The following TTLL12 variants were observed in gnomAD, a reference collection of about 807,000 sequenced individuals.
TTLL12 encodes the protein tubulin--tyrosine ligase-like protein 12.
In TTLL12, 77 loss-of-function variants were observed where a neutral mutation model predicts 79.6. The observed-to-expected ratio is 0.97, with a 90% CI of 0.81 to 1.17. TTLL12 has a LOEUF of 1.17. Ranked by LOEUF, TTLL12 falls within the 50% of genes most tolerant of loss-of-function variation. The probability of loss-of-function intolerance (pLI) is 0.00; values close to 1 mark genes in which losing one functional copy is unlikely to be tolerated. For missense variants in TTLL12, 969 were observed against 895.9 expected, an observed-to-expected ratio of 1.08 and a Z score of -1.04; for synonymous variants, 437 against 376.1, an observed-to-expected ratio of 1.16 and a Z score of -1.87.
In TTLL12 at chr22:43,183,085, T is replaced by TCGTC; in HGVS notation, c.238_241dup (p.Glu81GlyfsTer73). On this transcript the variant is annotated frameshift_variant, in exon 2 of 14. Transcript: ENST00000216129. LOFTEE classifies it high-confidence loss of function. ...CTGCTTCCGCACCTCCCGGGCTGCC[T>TCGTC]CGTCCTCCTCCTCTTCTACCTCCTC... 1 of 1,614,034 alleles carries TCGTC rather than the reference T, an allele frequency of 6.2e-7. No individual in the cohort carries two copies. The highest frequency in any genetic ancestry group is 8.5e-7 in the Non-Finnish European group (1 of 1,180,004).
In TTLL12 at chr22:43,166,789, C is replaced by T; in HGVS notation, c.*1219G>A. 6.0e-6 allele frequency: 1 copy of T among 167,262 alleles called. No individual in the cohort carries two copies. Among genetic ancestry groups the T allele is most frequent in the South Asian group, 1.3e-4 (1 of 7,730 alleles). 10.4% of individuals were successfully genotyped at this position (167,262 alleles called of 1,614,324 possible). On this transcript the variant is annotated 3_prime_UTR_variant, in exon 14 of 14. Coordinates refer to ENST00000216129, the MANE Select transcript of TTLL12 (RefSeq NM_015140.4). The stretch of plus-strand genomic sequence containing the variant: ...GTAACGCGTGCTTGTAAACAAGGGC[C>T]CAGACAACACAGAGAGGAGAGGCAG...
chr22:43,170,537 TC>T (rs1446583630), intron 11 of TTLL12, among the ~76,000 whole-genome samples: 2 of 151,994 alleles, frequency 1.3e-5, no homozygotes, highest in Non-Finnish European at 2.9e-5. Flanking sequence ...AGCCCGAACC[TC>T]AAAACCTCAA....
rs1263955658 is a variant in TTLL12, at chr22:43,183,027, C to T, written c.300G>A (p.Lys100=). 6.2e-7 allele frequency: 1 copy of T among 1,613,984 alleles called. No individual in the cohort carries two copies. The highest frequency in any genetic ancestry group is 8.5e-7 in the Non-Finnish European group (1 of 1,179,964). The change falls in exon 2 of 14, where the codon AAG becomes AAA. Residue 100 remains lysine (K), a synonymous_variant. Transcript: ENST00000216129. ...QPNPGNELCY[K]VIVTRESGLQ... ...GCCCGCTCTCCCTGGTCACGATGACCTTGTAGCACAGCTCGTTCCCCGGGT... is the reference window on the plus strand; with the variant it reads ...GCCCGCTCTCCCTGGTCACGATGACTTTGTAGCACAGCTCGTTCCCCGGGT...
Position 43,174,257 on chromosome 22 carries a change from C to A in TTLL12, c.1181G>T (p.Arg394Leu), listed in dbSNP as rs780167798. ...GCTGACAAACTGGGGCAGCTCAGTG[C>A]GCAGGTTGAAGGTTCGGGGCAGCCA... Reference protein sequence around the residue: ...PPWLPRTFNLRTELPQFVSYF... With the variant: ...PPWLPRTFNLLTELPQFVSYF... Residue 394 changes from arginine to leucine, a missense_variant, in exon 8 of 14, where the codon CGC (arginine) becomes CTC (leucine). Coordinates refer to ENST00000216129, the MANE Select transcript of TTLL12 (RefSeq NM_015140.4). 6.2e-7 allele frequency: 1 copy of A among 1,609,456 alleles called. No individual in the cohort carries two copies. The highest frequency in any genetic ancestry group is 8.5e-7 in the Non-Finnish European group (1 of 1,179,870).
chr22:43,171,454 GC>G (rs1336084151), intron 11 of TTLL12, among the ~76,000 whole-genome samples: 1 of 152,180 alleles, frequency 6.6e-6, no homozygotes, highest in Admixed American at 6.5e-5. Flanking sequence ...GGGCCTCCCC[GC>G]CCCCGCCTGC....
At chr22:43,175,981 C>T (rs903821791) in intron 6 of TTLL12, among the ~76,000 whole-genome samples, 3 of 151,512 alleles carry the variant, frequency 2.0e-5, no homozygotes, top group South Asian at 2.1e-4. Flanking sequence ...AACCACTATG[C>T]CTGGCCTCAT....
chr22:43,172,685 TAAGTTGCTGCAA>T (rs1931798221), intron 9 of TTLL12, 131 bp from the exon 10 acceptor site: 1 of 933,932 alleles, frequency 1.1e-6, no homozygotes, highest in Non-Finnish European at 1.6e-6. Context: ...CAAACCTGCC[TAAGTTGCTGCAA>T]AGTCTTTTTT....
chr22:43,177,799 C>T (rs1931953164), intron 5 of TTLL12, among the ~76,000 whole-genome samples: 1 of 152,232 alleles, frequency 6.6e-6, no homozygotes, highest in Admixed American at 6.5e-5. Context: ...TCCTGAACTC[C>T]TGTCCCACAG....
At chr22:43,169,415 C>T in intron 12 of TTLL12, 85 bp downstream of exon 12, 1 of 1,209,902 alleles carries the variant, frequency 8.3e-7, no homozygotes, top group Non-Finnish European at 1.1e-6. Flanking sequence ...CCCATGCCAG[C>T]AGAGAGGGAA....
chr22:43,179,123 C>T (rs112366138), intron 5 of TTLL12, among the ~76,000 whole-genome samples: 5,448 of 152,318 alleles, frequency 0.036, 146 homozygotes, highest in Non-Finnish European at 0.053. Context: ...TGGATGAGCT[C>T]TTACCTCCAG....
chr22:43,176,259 A>G, intron 6 of TTLL12, 61 bp downstream of exon 6: 2 of 1,267,304 alleles, frequency 1.6e-6, no homozygotes, highest in Middle Eastern at 1.9e-4. Context: ...GGAACCACGA[A>G]GCATGGGAGG....
chr22:43,169,849 C>T (rs138933), intron 11 of TTLL12: 172,845 of 527,508 alleles, frequency 0.33, 31,543 homozygotes, highest in Non-Finnish European at 0.39. Flanking sequence ...GACTTTGCCA[C>T]GCAGCTGTGA....
intron 1 of TTLL12, chr22:43,185,879 AG>A (rs1421868246): frequency 2.4e-6 from 2 of 834,890 alleles, no homozygotes; most frequent in Admixed American, 1.2e-4. Context: ...CTGGGACCAG[AG>A]TGGTCCTCGG....
chr22:43,170,728 T>C (rs976699067), intron 11 of TTLL12, among the ~76,000 whole-genome samples: 2 of 152,070 alleles, frequency 1.3e-5, no homozygotes, highest in South Asian at 4.1e-4. Flanking sequence ...CTGGGCAACA[T>C]GGCGAAACCC....
rs1483077754 is a variant in TTLL12, at chr22:43,166,892, C to T, written c.*1116G>A. On this transcript the variant is annotated 3_prime_UTR_variant, in exon 14 of 14. Coordinates refer to ENST00000216129, the MANE Select transcript of TTLL12 (RefSeq NM_015140.4). ...GAGACACCGCTACACCTAGCCCTGC[C>T]CTCCCATGCACTGGAAGGCTCTGGA... 2 of 249,396 alleles carry T rather than the reference C, an allele frequency of 8.0e-6. No individual in the cohort carries two copies. The highest frequency in any genetic ancestry group is 3.0e-4 in the East Asian group (2 of 6,754). The allele number at this position is 249,396 out of a possible 1,614,324, so 15.4% of individuals were successfully genotyped here.
chr22:43,171,919 G>A lies in TTLL12; in HGVS notation c.1494-19C>T. On this transcript the variant is annotated intron_variant, in intron 10 of 13. Transcript: ENST00000216129. ...AAAGGCCCTGGAAGACAAGTGTGCA[G>A]ACACATATGGGTTCTTGAGCGGCCT... 6.2e-7 allele frequency: 1 copy of A among 1,611,332 alleles called. No homozygotes were observed. The highest frequency in any genetic ancestry group is 1.1e-5 in the South Asian group (1 of 90,870).
Position 43,176,336 on chromosome 22 carries a change from G to T in TTLL12, c.901C>A (p.His301Asn), listed in dbSNP as rs370892309. The change falls in exon 6 of 14, where the codon CAC becomes AAC. Residue 301 changes from histidine (H) to asparagine (N), a missense_variant. Transcript: ENST00000216129. ...GCTACGCACTTGAAGATGTGGCCGT[G>T]GGGGTGCACCACGGGGTTGATGTCA... ...PLDINPVVHPHGHIFKVYTDV... is the reference protein window; with the variant it reads ...PLDINPVVHPNGHIFKVYTDV... The T allele has an allele frequency of 1.2e-6, 2 of 1,600,998 alleles. No individual in the cohort carries two copies. Among genetic ancestry groups the T allele is most frequent in the East Asian group, 2.2e-5 (1 of 44,446 alleles).
At chr22:43,169,094 C>T (rs544222848) in intron 12 of TTLL12, among the ~76,000 whole-genome samples, 182 bp from the exon 13 acceptor site, 22 of 152,356 alleles carry the variant, frequency 1.4e-4, no homozygotes, top group African/African-American at 4.3e-4. Flanking sequence ...TCCTGACGCC[C>T]ACCTTCTGCA....
Position 43,176,221 on chromosome 22 carries a change from A to G in TTLL12, c.917+99T>C, listed in dbSNP as rs1244545552. ...GGATGCGGCTGACTTGCTGCGTGCC[A>G]CGTGCCAAGCACTGTTCTGGGGCTG... On this transcript the variant is annotated intron_variant, in intron 6 of 13. Coordinates refer to ENST00000216129, the MANE Select transcript of TTLL12 (RefSeq NM_015140.4). 5 of 889,332 alleles carry G rather than the reference A, an allele frequency of 5.6e-6. No individual in the cohort carries two copies. The Admixed American group carries it at 6.1e-5, about 11-fold the overall frequency. 55.1% of individuals were successfully genotyped at this position (889,332 alleles called of 1,614,324 possible). A position where few individuals can be genotyped will look rare whatever the true frequency, so the allele number is the denominator to read the frequency against.
Sources: gnomAD v4.1 joint callset for allele counts (sites outside exome capture counted in the v4.1 genomes callset) on GRCh38, gnomAD v4.1.1 for gene constraint, MANE v1.5 for transcripts, NCBI Gene and HGNC (gene_info 2026-07-23, HGNC 2026-07-21) for gene names.